The following KCNAB1 variants were observed in gnomAD, a reference collection of about 807,000 sequenced individuals.
KCNAB1 encodes potassium voltage-gated channel subfamily A regulatory beta subunit 1.
A neutral mutation model predicts 64.6 loss-of-function variants in KCNAB1; 35 were observed. That is an observed-to-expected ratio of 0.54 (90% CI 0.41 to 0.72). The LOEUF (loss-of-function observed/expected upper bound fraction) is 0.72. Among genes scored for constraint, KCNAB1 ranks in the 30% least tolerant of loss-of-function variants. KCNAB1 has a pLI of 0.00. For missense variants in KCNAB1, 401 were observed against 512.9 expected (o/e 0.78, Z 2.11); for synonymous variants, 177 against 183.8 (o/e 0.96, Z 0.30).
intron 1 of KCNAB1, among the ~76,000 whole-genome samples, chr3:156,122,996 C>T (rs979808998): frequency 1.4e-4 from 22 of 152,216 alleles, no homozygotes; most frequent in African/African-American, 4.3e-4. Context: ...TTAATGTTAG[C>T]GATAGAATGT....
intron 1 of KCNAB1, among the ~76,000 whole-genome samples, chr3:156,129,394 G>C (rs1429042440): frequency 6.6e-6 from 1 of 152,164 alleles, no homozygotes; most frequent in African/African-American, 2.4e-5. Context: ...GCTTATTAAA[G>C]TTTCACGTTT....
chr3:156,207,185 C>T (rs535175496), intron 1 of KCNAB1, among the ~76,000 whole-genome samples: 2 of 152,216 alleles, frequency 1.3e-5, no homozygotes, highest in East Asian at 3.9e-4. Flanking sequence ...TTTGGTTTGG[C>T]CAATGGGAAT....
chr3:156,159,081 G>T (rs1715924748), intron 1 of KCNAB1, among the ~76,000 whole-genome samples: 1 of 143,494 alleles, frequency 7.0e-6, no homozygotes, highest in Non-Finnish European at 1.5e-5. Flanking sequence ...GCCCCCCCCT[G>T]TAATAATTGA....
intron 8 of KCNAB1, among the ~76,000 whole-genome samples, chr3:156,488,295 TAA>T (rs63550661): frequency 0.021 from 3,007 of 140,832 alleles, 107 homozygotes; most frequent in African/African-American, 0.072. Flanking sequence ...ATGGGTGCTA[TAA>T]AAAAAAAAAA....
At chr3:156,118,644 G>A (rs1713182389), upstream of KCNAB1, among the ~76,000 whole-genome samples, 1 of 152,244 alleles carries the variant, frequency 6.6e-6, no homozygotes. Flanking sequence ...ACGTGATGGA[G>A]TTAGGATTTG....
At chr3:156,480,429 G>A (rs914744568) in intron 8 of KCNAB1, among the ~76,000 whole-genome samples, 1 of 151,918 alleles carries the variant, frequency 6.6e-6, no homozygotes, top group Non-Finnish European at 1.5e-5. Context: ...CCTAATTCAT[G>A]CAGGGTATAA....
At chr3:156,416,938 A>G (rs1390597039) in intron 1 of KCNAB1, among the ~76,000 whole-genome samples, 3 of 152,212 alleles carry the variant, frequency 2.0e-5, no homozygotes, top group Non-Finnish European at 1.5e-5. Context: ...CTTTGTTGCT[A>G]TTTTTAAAAA....
chr3:156,185,146 T>C (rs1373392567), intron 1 of KCNAB1, among the ~76,000 whole-genome samples: 2 of 152,194 alleles, frequency 1.3e-5, no homozygotes, highest in African/African-American at 4.8e-5. Context: ...CCCTACCTGT[T>C]GTCTTCAGTG....
At chr3:156,365,996 G>A (rs1319268831) in intron 1 of KCNAB1, among the ~76,000 whole-genome samples, 2 of 152,264 alleles carry the variant, frequency 1.3e-5, no homozygotes, top group Non-Finnish European at 2.9e-5. Context: ...CTTCTCCTCA[G>A]CCTTTATCTT....
At chr3:156,363,942 G>A (rs1725784965) in intron 1 of KCNAB1, among the ~76,000 whole-genome samples, 3 of 152,148 alleles carry the variant, frequency 2.0e-5, no homozygotes, top group Non-Finnish European at 4.4e-5. Flanking sequence ...GCCACTAAAC[G>A]TTAGTGACAA....
chr3:156,367,036 T>TG (rs1725985068), intron 1 of KCNAB1, among the ~76,000 whole-genome samples: 1 of 152,148 alleles, frequency 6.6e-6, no homozygotes, highest in Non-Finnish European at 1.5e-5. Context: ...ATCTAGTACC[T>TG]GGGCAGGTTG....
chr3:156,180,160 T>C lies in KCNAB1; in HGVS notation c.275+59274T>C, dbSNP rs2108344121. 1.3e-5 allele frequency among the ~76,000 whole-genome samples: 2 copies of C among 152,336 alleles called. 1 individual carries two copies. Among genetic ancestry groups the C allele is most frequent in the South Asian group, 4.1e-4 (2 of 4,828 alleles). ...CAAAAGCTGGGATTCCAATCCAGCTTCTCTAATCTTATTTGTAATTCAATC... is the reference window on the plus strand; with the variant it reads ...CAAAAGCTGGGATTCCAATCCAGCTCCTCTAATCTTATTTGTAATTCAATC... On this transcript the variant is annotated intron_variant, in intron 1 of 13. Transcript: ENST00000490337.
upstream of KCNAB1, among the ~76,000 whole-genome samples, chr3:156,119,553 A>G (rs1285624262): frequency 6.6e-6 from 1 of 152,202 alleles, no homozygotes; most frequent in Admixed American, 6.5e-5. Flanking sequence ...ATGGAAAGAA[A>G]AATACATGCA....
Position 156,441,515 on chromosome 3 carries a change from G to A in KCNAB1, c.320-11384G>A, listed in dbSNP as rs147245967. 52 of 151,956 alleles carry A rather than the reference G, an allele frequency of 3.4e-4. 1 individual carries two copies. The East Asian group carries it at 5.0e-3, about 15-fold the overall frequency. 9.4% of individuals were successfully genotyped at this position (151,956 alleles called of 1,614,324 possible). Reference sequence around the variant, plus strand: ...ATTCCAGACACTATGAAAATAATTCGCGGGGAAAAAAAAGAATTTTCAATC... The same window carrying A: ...ATTCCAGACACTATGAAAATAATTCACGGGGAAAAAAAAGAATTTTCAATC... On this transcript the variant is annotated intron_variant, in intron 2 of 13. Coordinates refer to ENST00000490337, the MANE Select transcript of KCNAB1 (RefSeq NM_172160.3).
intron 13 of KCNAB1, among the ~76,000 whole-genome samples, chr3:156,531,772 A>G (rs1015544848): frequency 6.6e-6 from 1 of 152,218 alleles, no homozygotes; most frequent in Non-Finnish European, 1.5e-5. Context: ...GCCTCGCCAT[A>G]AAAGCCGGCC....
At chr3:156,471,349 G>T (rs893637907) in intron 7 of KCNAB1, among the ~76,000 whole-genome samples, 3 of 152,152 alleles carry the variant, frequency 2.0e-5, no homozygotes, top group Non-Finnish European at 4.4e-5. Flanking sequence ...AAGAAAAATG[G>T]ACTTAGATTT....
At position 156,263,683 on chromosome 3, in the gene KCNAB1, T is replaced by C. The variant is rs555406802; in HGVS notation, c.275+142797T>C. ...GATCTCCTGGTGCTCATATCACTTA[T>C]ATAAATTAGTGTAGTATTTGCATAC... On this transcript the variant is annotated intron_variant, in intron 1 of 13. Transcript: ENST00000490337. Among the ~76,000 whole-genome samples, 4 of 152,236 alleles carry C rather than the reference T, an allele frequency of 2.6e-5. No individual in the cohort carries two copies. The East Asian group carries it at 5.8e-4, about 22-fold the overall frequency.
intron 2 of KCNAB1, chr3:156,441,469 G>A (rs1043829418): frequency 2.0e-5 from 3 of 152,052 alleles, no homozygotes; most frequent in Non-Finnish European, 4.4e-5. Flanking sequence ...AAATAAAAAT[G>A]TATATTTGAA....
intron 8 of KCNAB1, among the ~76,000 whole-genome samples, chr3:156,487,895 AT>A (rs1254545648): frequency 1.4e-5 from 2 of 145,792 alleles, no homozygotes; most frequent in Non-Finnish European, 2.9e-5. Flanking sequence ...AAAAAGGGAG[AT>A]AAAAAAAAAA....
Sources: allele counts gnomAD v4.1 joint callset (sites outside exome capture counted in the v4.1 genomes callset), GRCh38; gene constraint gnomAD v4.1.1; transcripts MANE v1.5; gene names NCBI Gene and HGNC (gene_info 2026-07-23, HGNC 2026-07-21).